CACNA2D3: variants seen among roughly 807,000 people sequenced by gnomAD.
CACNA2D3 encodes the protein calcium voltage-gated channel auxiliary subunit alpha2delta 3.
Under a neutral mutation model 160.6 loss-of-function variants are expected in CACNA2D3, and 60 were observed. The ratio of observed to expected loss-of-function variants is 0.37; its 90% CI spans 0.30 to 0.46. CACNA2D3 has a LOEUF of 0.46. CACNA2D3 is among the 20% of genes least tolerant of loss of function. The probability of loss-of-function intolerance (pLI) is 1.00; values close to 1 mark genes in which losing one functional copy is unlikely to be tolerated. For synonymous variants in CACNA2D3, 558 were observed against 492.9 expected, an observed-to-expected ratio of 1.13 and a Z score of -1.75; for missense variants, 1,205 against 1,365.0, an observed-to-expected ratio of 0.88 and a Z score of 1.85.
At chr3:54,240,563 C>T (rs760285366) in intron 2 of CACNA2D3, among the ~76,000 whole-genome samples, 1 of 152,108 alleles carries the variant, frequency 6.6e-6, no homozygotes, top group African/African-American at 2.4e-5. Flanking sequence ...TGCATTTTCT[C>T]CTAGTAAGTG....
intron 3 of CACNA2D3, 54 bp downstream of exon 3, chr3:54,320,612 A>G (rs1575393193): frequency 3.4e-6 from 3 of 881,172 alleles, no homozygotes; most frequent in Non-Finnish European, 5.2e-6. Flanking sequence ...AGGCAGCTTC[A>G]GGGGATGGCA....
At chr3:54,252,013 T>A (rs1702197617) in intron 2 of CACNA2D3, among the ~76,000 whole-genome samples, 1 of 152,082 alleles carries the variant, frequency 6.6e-6, no homozygotes, top group Non-Finnish European at 1.5e-5. Flanking sequence ...ATCTTTTTTT[T>A]AGAAATTCTC....
chr3:54,977,594 G>A (rs1702418673), intron 29 of CACNA2D3, among the ~76,000 whole-genome samples: 1 of 152,120 alleles, frequency 6.6e-6, no homozygotes, highest in Admixed American at 6.5e-5. Context: ...ATGATTTGTG[G>A]CCTTATATGC....
At chr3:54,506,171 T>A (rs1315107779) in intron 5 of CACNA2D3, among the ~76,000 whole-genome samples, 1 of 146,340 alleles carries the variant, frequency 6.8e-6, no homozygotes. Flanking sequence ...CCTAACAGCC[T>A]TTTTTTTTTG....
chr3:54,188,740 G>A (rs1700928299), intron 2 of CACNA2D3, among the ~76,000 whole-genome samples: 1 of 152,130 alleles, frequency 6.6e-6, no homozygotes, highest in South Asian at 2.1e-4. Context: ...TGAACACAGG[G>A]CCCCTTCTCT....
At chr3:54,886,529 T>C (rs1699929250) in intron 23 of CACNA2D3, among the ~76,000 whole-genome samples, 4 of 148,556 alleles carry the variant, frequency 2.7e-5, no homozygotes, top group Admixed American at 2.7e-4. Flanking sequence ...TTTTAAGGAA[T>C]GAGACATTAT....
intron 13 of CACNA2D3, among the ~76,000 whole-genome samples, chr3:54,807,443 C>G (rs535566514): frequency 2.0e-5 from 3 of 152,188 alleles, no homozygotes; most frequent in Non-Finnish European, 2.9e-5. Flanking sequence ...AGCCAAAAAA[C>G]ACATGAAAAA....
chr3:54,185,343 A>G (rs1000880596), intron 2 of CACNA2D3, among the ~76,000 whole-genome samples: 1 of 152,108 alleles, frequency 6.6e-6, no homozygotes, highest in Admixed American at 6.5e-5. Flanking sequence ...AAGAATTTTG[A>G]GAAATTCTAC....
intron 5 of CACNA2D3, among the ~76,000 whole-genome samples, chr3:54,504,159 G>A (rs1701334088): frequency 6.6e-6 from 1 of 152,192 alleles, no homozygotes; most frequent in Non-Finnish European, 1.5e-5. Context: ...GGGGTGCAAT[G>A]GAAACAGCTG....
intron 31 of CACNA2D3, among the ~76,000 whole-genome samples, chr3:54,994,466 T>C (rs1422188464): frequency 6.6e-6 from 1 of 152,128 alleles, no homozygotes; most frequent in Non-Finnish European, 1.5e-5. Context: ...ACAGATTGGT[T>C]TGGACAAGTA....
chr3:54,871,212 C>CAGAG (rs1171988970), intron 17 of CACNA2D3, among the ~76,000 whole-genome samples: 1,724 of 116,506 alleles, frequency 0.015, 40 homozygotes, highest in African/African-American at 0.052. Context: ...CACACACACA[C>CAGAG]ACACACACAC....
At chr3:54,458,809 A>T (rs1700445744) in intron 4 of CACNA2D3, among the ~76,000 whole-genome samples, 1 of 151,640 alleles carries the variant, frequency 6.6e-6, no homozygotes, top group Admixed American at 6.6e-5. Context: ...TTTAGGGTAC[A>T]TGTGCACAAT....
intron 11 of CACNA2D3, among the ~76,000 whole-genome samples, chr3:54,698,861 A>G (rs1700713634): frequency 6.6e-6 from 1 of 152,184 alleles, no homozygotes; most frequent in Non-Finnish European, 1.5e-5. Flanking sequence ...TGTTTTCCCC[A>G]AATGTAACCA....
intron 2 of CACNA2D3, among the ~76,000 whole-genome samples, chr3:54,202,006 T>G (rs1701188717): frequency 6.6e-6 from 1 of 152,210 alleles, no homozygotes; most frequent in East Asian, 1.9e-4. Flanking sequence ...AAATTTGAAT[T>G]TCAGATAAAT....
intron 27 of CACNA2D3, among the ~76,000 whole-genome samples, chr3:54,946,880 C>G (rs1053309839): frequency 2.6e-5 from 4 of 151,476 alleles, no homozygotes; most frequent in African/African-American, 9.7e-5. Flanking sequence ...AGGCATGGAG[C>G]TGTAGTGTGA....
intron 3 of CACNA2D3, among the ~76,000 whole-genome samples, chr3:54,376,566 T>C (rs192319987): frequency 1.5e-3 from 231 of 152,340 alleles, no homozygotes; most frequent in South Asian, 3.1e-3. Context: ...TCATCTTGTG[T>C]GGCCCTCCTA....
rs530671980 is a variant in CACNA2D3, at chr3:54,934,893, C to A, written c.2450-33557C>A. Reference sequence around the variant, plus strand: ...ATTACAGGCACACACCACCACACCCCGCTAATTTCTGTATTTATTTTCTAG... The same window carrying A: ...ATTACAGGCACACACCACCACACCCAGCTAATTTCTGTATTTATTTTCTAG... On this transcript the variant is annotated intron_variant, in intron 27 of 37. Coordinates refer to ENST00000474759, the MANE Select transcript of CACNA2D3 (RefSeq NM_018398.3). Among the ~76,000 whole-genome samples the A allele has an allele frequency of 1.4e-4, 21 of 152,094 alleles. 1 individual carries two copies. In the East Asian group the frequency reaches 3.9e-3, roughly 28 times the overall value.
At chr3:54,568,358 C>A (rs1204904485) in intron 6 of CACNA2D3, among the ~76,000 whole-genome samples, 1 of 152,154 alleles carries the variant, frequency 6.6e-6, no homozygotes, top group African/African-American at 2.4e-5. Context: ...ACAGGGGTGG[C>A]CGTGGTCTTA....
intron 35 of CACNA2D3, among the ~76,000 whole-genome samples, chr3:55,034,337 T>C (rs1187218300): frequency 6.6e-6 from 1 of 152,086 alleles, no homozygotes; most frequent in East Asian, 1.9e-4. Context: ...TTATTTATAT[T>C]TCCATCTCTG....
Sources: gnomAD v4.1 joint callset for allele counts (sites outside exome capture counted in the v4.1 genomes callset) on GRCh38, gnomAD v4.1.1 for gene constraint, MANE v1.5 for transcripts, NCBI Gene and HGNC (gene_info 2026-07-23, HGNC 2026-07-21) for gene names.